CCDC124: variants seen among roughly 807,000 people sequenced by gnomAD.
CCDC124 encodes the protein coiled-coil domain-containing protein 124.
Under a neutral mutation model 19.8 loss-of-function variants are expected in CCDC124, and 9 were observed. The ratio of observed to expected loss-of-function variants is 0.45; its 90% CI spans 0.27 to 0.79. CCDC124 has a LOEUF of 0.79. Among genes scored for constraint, CCDC124 ranks in the 30% least tolerant of loss-of-function variants. CCDC124 has a pLI of 0.14. For synonymous variants in CCDC124, 126 were observed against 131.3 expected, an observed-to-expected ratio of 0.96 and a Z score of 0.27; for missense variants, 285 against 319.0, an observed-to-expected ratio of 0.89 and a Z score of 0.81.
intron 3 of CCDC124, 51 bp from the exon 4 acceptor site, chr19:17,943,210 G>A (rs1484903743): frequency 7.2e-7 from 1 of 1,381,780 alleles, no homozygotes; most frequent in Non-Finnish European, 1.0e-6. Context: ...CCTTGGAACT[G>A]TGCATCTTTG....
At chr19:17,940,174 A>G (rs1242746989) in intron 2 of CCDC124, among the ~76,000 whole-genome samples, 2 of 152,056 alleles carry the variant, frequency 1.3e-5, no homozygotes, top group Admixed American at 6.6e-5. Flanking sequence ...CGGCCTCCCA[A>G]AGTGCTGGAA....
Position 17,943,842 on chromosome 19 carries a change from T to C in CCDC124, c.*127T>C, listed in dbSNP as rs1005380970. On this transcript the variant is annotated 3_prime_UTR_variant, in exon 5 of 5. Coordinates refer to ENST00000445755, the MANE Select transcript of CCDC124 (RefSeq NM_001136203.2). ...GCCAAGGCGCCGGGCCCCGGGGCCATGCTCTTATCACCAGCCACCCGTCCT... is the reference window on the plus strand; with the variant it reads ...GCCAAGGCGCCGGGCCCCGGGGCCACGCTCTTATCACCAGCCACCCGTCCT... 7 of 894,016 alleles carry C rather than the reference T, an allele frequency of 7.8e-6. No homozygotes were observed. The African/African-American group carries it at 8.4e-5, about 11-fold the overall frequency. The allele number at this position is 894,016 out of a possible 1,614,324, so 55.4% of individuals were successfully genotyped here. A position where few individuals can be genotyped will look rare whatever the true frequency, so the allele number is the denominator to read the frequency against.
At position 17,943,617 on chromosome 19, in the gene CCDC124, C is replaced by G. The variant is rs758381298; in HGVS notation, c.574C>G (p.Arg192Gly). The change falls in exon 5 of 5, where the codon CGG becomes GGG. Residue 192 changes from arginine to glycine, a missense_variant. Physicochemically the swap from Arg to Gly is moderately radical, Grantham distance 125. Transcript: ENST00000445755. Reference sequence around the variant, plus strand: ...GCTCAAACAAGAGAACCCCAACATGCGGCTGTCGCAGCTGAAACAGCTGCT... The same window carrying G: ...GCTCAAACAAGAGAACCCCAACATGGGGCTGTCGCAGCTGAAACAGCTGCT... ...PRLKQENPNM[R>G]LSQLKQLLKK... is the part of the protein sequence containing the mutation. 1.9e-6 allele frequency: 3 copies of G among 1,612,954 alleles called. No homozygotes were observed. The highest frequency in any genetic ancestry group is 3.3e-5 in the Admixed American group (2 of 60,008).
At chr19:17,943,462 G>A (rs764007565) in intron 4 of CCDC124, 46 bp from the exon 5 acceptor site, 5 of 1,591,140 alleles carry the variant, frequency 3.1e-6, no homozygotes, top group Non-Finnish European at 3.4e-6. Context: ...GGCTTTTCGG[G>A]GCAAGGCTGC....
At chr19:17,937,609 G>A (rs961195446) in intron 2 of CCDC124, among the ~76,000 whole-genome samples, 6 of 152,154 alleles carry the variant, frequency 3.9e-5, no homozygotes, top group East Asian at 1.9e-4. Flanking sequence ...TGCACAGGAC[G>A]CCCCCACAGC....
At chr19:17,933,639 C>T (rs1018650179) in intron 1 of CCDC124, among the ~76,000 whole-genome samples, 1 of 152,120 alleles carries the variant, frequency 6.6e-6, no homozygotes, top group Non-Finnish European at 1.5e-5. Flanking sequence ...TTCCCATCTC[C>T]CTGGAATACA....
At position 17,942,711 on chromosome 19, in the gene CCDC124, G is replaced by A; in HGVS notation, c.215G>A (p.Arg72His). Reference sequence around the variant, plus strand: ...CTGGAACGTAAGAAGGAGACGCAGCGCCTACTGGAGGAGGAGGACTCCAAG... The same window carrying A: ...CTGGAACGTAAGAAGGAGACGCAGCACCTACTGGAGGAGGAGGACTCCAAG... ...DQLERKKETQ[R>H]LLEEEDSKLK... Residue 72 changes from arginine to histidine, a missense_variant, in exon 3 of 5, where the codon CGC becomes CAC. Physicochemically the swap from Arg to His is conservative, Grantham distance 29 (BLOSUM62 0). Transcript: ENST00000445755. The surrounding 1 kb of genome is among the most constrained non-coding windows in gnomAD (Gnocchi z 4.2). 1 of 1,553,684 alleles carries A rather than the reference G, an allele frequency of 6.4e-7. No individual in the cohort carries two copies. The highest frequency in any genetic ancestry group is 8.7e-7 in the Non-Finnish European group (1 of 1,148,622).
chr19:17,936,393 C>G lies in CCDC124; in HGVS notation c.-11-17C>G. 6.3e-7 allele frequency: 1 copy of G among 1,597,694 alleles called. No homozygotes were observed. The highest frequency in any genetic ancestry group is 8.6e-7 in the Non-Finnish European group (1 of 1,169,138). On this transcript the variant is annotated splice_polypyrimidine_tract_variant and intron_variant, in intron 1 of 4. Coordinates refer to ENST00000445755, the MANE Select transcript of CCDC124 (RefSeq NM_001136203.2). Reference sequence around the variant, plus strand: ...CCCTCCGGCCCCTGCTCCCCCATCCCCATCCTCTTCCCGCAGCCTGCTGAG... The same window carrying G: ...CCCTCCGGCCCCTGCTCCCCCATCCGCATCCTCTTCCCGCAGCCTGCTGAG...
intron 1 of CCDC124, among the ~76,000 whole-genome samples, chr19:17,934,488 A>G (rs537443787): frequency 2.6e-5 from 4 of 152,176 alleles, no homozygotes; most frequent in African/African-American, 9.6e-5. Flanking sequence ...ATATTCAGCC[A>G]TAAAAAGGAA....
chr19:17,941,918 C>G (rs2031191755), intron 2 of CCDC124, among the ~76,000 whole-genome samples: 2 of 152,084 alleles, frequency 1.3e-5, no homozygotes, highest in African/African-American at 4.8e-5. Flanking sequence ...CAGGGCCCTG[C>G]AGGAGTGCCA....
Position 17,942,915 on chromosome 19 carries a change from G to GC in CCDC124, c.349+75dup. On this transcript the variant is annotated intron_variant, in intron 3 of 4. Transcript: ENST00000445755. This position sits in a 1 kb window ranked among gnomAD's most constrained non-coding sequence, Gnocchi z 4.2. ...GAGGCAGTGGACCTTGAGTCCATTA[G>GC]CCCCCTCCTGGCCCCCAGAGAAGCT... The GC allele has an allele frequency of 1.4e-6, 2 of 1,440,102 alleles. No individual in the cohort carries two copies. The highest frequency in any genetic ancestry group is 1.8e-6 in the Non-Finnish European group (2 of 1,092,472). 89.2% of individuals were successfully genotyped at this position (1,440,102 alleles called of 1,614,324 possible).
chr19:17,936,607 C>G, intron 2 of CCDC124, 28 bp downstream of exon 2: 1 of 1,597,548 alleles, frequency 6.3e-7, no homozygotes, highest in Non-Finnish European at 8.5e-7. Flanking sequence ...CCCCGCGGCC[C>G]GCATGCCTTG....
In CCDC124 at chr19:17,943,534, A is replaced by G. The variant is rs2031240264; in HGVS notation, c.491A>G (p.His164Arg). 1 of 1,612,110 alleles carries G rather than the reference A, an allele frequency of 6.2e-7. No individual in the cohort carries two copies. The highest frequency in any genetic ancestry group is 8.5e-7 in the Non-Finnish European group (1 of 1,179,796). ...GTGGCGGAGGAGGCGGCCGACCGGC[A>G]CCCAGAAAGACGCATGCGGGCAGCC... ...LSVAEEAADR[H>R]PERRMRAAFT... Residue 164 changes from histidine (H) to arginine (R), a missense_variant, in exon 5 of 5, where the codon CAC (histidine) becomes CGC (arginine). By Grantham distance (29) the His-to-Arg change is conservative (BLOSUM62 0). Coordinates refer to ENST00000445755, the MANE Select transcript of CCDC124 (RefSeq NM_001136203.2).
At chr19:17,936,753 G>C (rs978419335) in intron 2 of CCDC124, 174 bp downstream of exon 2, 2 of 705,140 alleles carry the variant, frequency 2.8e-6, no homozygotes, top group African/African-American at 3.6e-5. Context: ...GGCCGAGGCA[G>C]GCAGATCACC....
Position 17,943,731 on chromosome 19 carries a change from A to G in CCDC124, c.*16A>G. The G allele has an allele frequency of 6.2e-7, 1 of 1,609,482 alleles. No individual in the cohort carries two copies. The highest frequency in any genetic ancestry group is 8.5e-7 in the Non-Finnish European group (1 of 1,177,868). On this transcript the variant is annotated 3_prime_UTR_variant, in exon 5 of 5. Transcript: ENST00000445755. Reference sequence around the variant, plus strand: ...CCCCAAGTGAGCCCAGAACTTGGGGAGCCAGTTCACCCACGGGTGGTCCAG... The same window carrying G: ...CCCCAAGTGAGCCCAGAACTTGGGGGGCCAGTTCACCCACGGGTGGTCCAG...
intron 1 of CCDC124, chr19:17,935,087 T>G (rs2031030720): frequency 6.6e-6 from 1 of 152,264 alleles, no homozygotes; most frequent in South Asian, 2.1e-4. Flanking sequence ...AATTATTTTT[T>G]ATTTTGTAGA....
At chr19:17,935,388 C>T (rs914954931) in intron 1 of CCDC124, among the ~76,000 whole-genome samples, 1 of 151,682 alleles carries the variant, frequency 6.6e-6, no homozygotes, top group Non-Finnish European at 1.5e-5. Flanking sequence ...GGTATTTGCA[C>T]AACGCTGTGA....
chr19:17,936,814 C>T (rs1190171573), intron 2 of CCDC124: 2 of 451,480 alleles, frequency 4.4e-6, no homozygotes, highest in Non-Finnish European at 7.8e-6. Flanking sequence ...AACCCTGTCT[C>T]TACTAAAAAT....
chr19:17,937,797 G>A (rs1262191253), intron 2 of CCDC124, among the ~76,000 whole-genome samples: 2 of 152,156 alleles, frequency 1.3e-5, no homozygotes, highest in African/African-American at 2.4e-5. Flanking sequence ...GCAATGGCGC[G>A]ATCTCAGTTC....
Sources: allele counts gnomAD v4.1 joint callset (sites outside exome capture counted in the v4.1 genomes callset), GRCh38; gene constraint gnomAD v4.1.1; non-coding constraint Gnocchi (gnomAD v3.1); transcripts MANE v1.5; gene names NCBI Gene and HGNC (gene_info 2026-07-23, HGNC 2026-07-21).